The following ATRNL1 variants were observed in gnomAD, a reference collection of about 807,000 sequenced individuals.
ATRNL1 encodes attractin-like protein 1.
ATRNL1 carries 95 observed loss-of-function variants against 182.7 expected under a neutral mutation model. The observed-to-expected ratio is 0.52, with a 90% CI of 0.44 to 0.62. ATRNL1 has a LOEUF of 0.62. Ranked by LOEUF, ATRNL1 falls within the 20% of genes least tolerant of loss-of-function variation. The probability of loss-of-function intolerance (pLI) is 0.00; values close to 1 mark genes in which losing one functional copy is unlikely to be tolerated. For synonymous variants in ATRNL1, 576 were observed against 568.3 expected (o/e 1.01, Z -0.19); for missense variants, 1,471 against 1,679.5 (o/e 0.88, Z 2.17).
chr10:115,415,445 C>G (rs1845342647), intron 20 of ATRNL1, among the ~76,000 whole-genome samples: 1 of 150,982 alleles, frequency 6.6e-6, no homozygotes, highest in Admixed American at 6.6e-5. Flanking sequence ...TTCAGTGAGA[C>G]ATAAGTTGCA....
chr10:115,677,431 T>C (rs1210040968), intron 26 of ATRNL1, among the ~76,000 whole-genome samples: 1 of 152,000 alleles, frequency 6.6e-6, no homozygotes, highest in Non-Finnish European at 1.5e-5. Flanking sequence ...AATCTCAACT[T>C]GAATTGTCTC....
chr10:115,794,405 G>T (rs1387167791), intron 27 of ATRNL1, among the ~76,000 whole-genome samples: 1 of 152,030 alleles, frequency 6.6e-6, no homozygotes, highest in Non-Finnish European at 1.5e-5. Flanking sequence ...ACCTAATCCT[G>T]ACTCCATTCA....
intron 10 of ATRNL1, among the ~76,000 whole-genome samples, chr10:115,254,532 AT>A (rs200987618): frequency 0.3 from 45,615 of 151,578 alleles, 7,820 homozygotes; most frequent in Middle Eastern, 0.43. Flanking sequence ...GATTCTGGAT[AT>A]TAGCCCTTTG....
At chr10:115,209,548 A>G (rs1848940209) in intron 8 of ATRNL1, among the ~76,000 whole-genome samples, 1 of 150,640 alleles carries the variant, frequency 6.6e-6, no homozygotes, top group South Asian at 2.1e-4. Flanking sequence ...TTGCAGTATT[A>G]TCCTGAGTTA....
intron 28 of ATRNL1, among the ~76,000 whole-genome samples, chr10:115,932,092 A>C (rs1206480295): frequency 6.6e-6 from 1 of 152,166 alleles, no homozygotes; most frequent in Non-Finnish European, 1.5e-5. Flanking sequence ...GGCCACTTTG[A>C]TTGCTCCCAA....
chr10:115,916,457 G>A (rs776056421), intron 28 of ATRNL1, among the ~76,000 whole-genome samples: 1 of 152,124 alleles, frequency 6.6e-6, no homozygotes, highest in Non-Finnish European at 1.5e-5. Flanking sequence ...AGGCAAAGAA[G>A]CAAAATGGCT....
chr10:115,462,351 T>C (rs773270622), intron 22 of ATRNL1, among the ~76,000 whole-genome samples: 14 of 152,122 alleles, frequency 9.2e-5, no homozygotes, highest in Middle Eastern at 3.2e-3. Flanking sequence ...CAGTGGCTCA[T>C]GCCTGTAATC....
At chr10:115,722,557 C>T (rs10159619) in intron 26 of ATRNL1, among the ~76,000 whole-genome samples, 55,964 of 151,848 alleles carry the variant, frequency 0.37, 11,064 homozygotes, top group Admixed American at 0.54. Context: ...TTACTGTATG[C>T]TAAGTATGTT....
chr10:115,490,277 G>C (rs554971518), intron 24 of ATRNL1, among the ~76,000 whole-genome samples: 1 of 152,176 alleles, frequency 6.6e-6, no homozygotes, highest in African/African-American at 2.4e-5. Flanking sequence ...GGCCTGCATT[G>C]CTAGGTCGGG....
At chr10:115,305,726 A>C (rs1853695548) in intron 17 of ATRNL1, among the ~76,000 whole-genome samples, 1 of 152,216 alleles carries the variant, frequency 6.6e-6, no homozygotes, top group Non-Finnish European at 1.5e-5. Flanking sequence ...GTTAAAAAAT[A>C]GTCAAAACGG....
At chr10:115,924,847 A>G (rs568151889) in intron 28 of ATRNL1, among the ~76,000 whole-genome samples, 2 of 152,148 alleles carry the variant, frequency 1.3e-5, no homozygotes, top group African/African-American at 4.8e-5. Context: ...CAGTATGGCC[A>G]TTTTCACGAT....
intron 17 of ATRNL1, among the ~76,000 whole-genome samples, chr10:115,310,956 A>G (rs1261162222): frequency 1.3e-5 from 2 of 152,138 alleles, no homozygotes; most frequent in Non-Finnish European, 2.9e-5. Flanking sequence ...ATTTAGTACT[A>G]TAAACTTTTA....
chr10:115,371,470 G>C (rs187004664), intron 19 of ATRNL1, among the ~76,000 whole-genome samples: 2 of 152,230 alleles, frequency 1.3e-5, no homozygotes, highest in African/African-American at 2.4e-5. Flanking sequence ...TTGCATCAGC[G>C]TAACCTGGAT....
chr10:115,815,926 C>T (rs1950154018), intron 27 of ATRNL1, among the ~76,000 whole-genome samples: 1 of 151,996 alleles, frequency 6.6e-6, no homozygotes, highest in African/African-American at 2.4e-5. Context: ...AGTAGGAAAC[C>T]AGGCTGATTT....
At chr10:115,560,961 G>T in intron 26 of ATRNL1, among the ~76,000 whole-genome samples, 1 of 152,174 alleles carries the variant, frequency 6.6e-6, no homozygotes, top group Non-Finnish European at 1.5e-5. Flanking sequence ...AAGCAAAAGA[G>T]TGAAGTTGGA....
chr10:115,648,915 C>A (rs1859807182), intron 26 of ATRNL1, among the ~76,000 whole-genome samples: 2 of 152,104 alleles, frequency 1.3e-5, no homozygotes, highest in African/African-American at 2.4e-5. Context: ...CATTGCAATG[C>A]AGAGTATTTC....
At chr10:115,468,492 T>C (rs1554971352) in intron 23 of ATRNL1, among the ~76,000 whole-genome samples, 2 of 150,830 alleles carry the variant, frequency 1.3e-5, no homozygotes. Context: ...CTAATTATTT[T>C]TACTATTGAT....
At chr10:115,401,589 A>G (rs1284545052) in intron 20 of ATRNL1, among the ~76,000 whole-genome samples, 1 of 152,160 alleles carries the variant, frequency 6.6e-6, no homozygotes, top group Non-Finnish European at 1.5e-5. Flanking sequence ...TAAAATGTGG[A>G]CAGAATTGTG....
At chr10:115,365,826 C>T (rs1176922634) in intron 19 of ATRNL1, among the ~76,000 whole-genome samples, 2 of 152,056 alleles carry the variant, frequency 1.3e-5, no homozygotes, top group African/African-American at 2.4e-5. Context: ...TGTAGTTGAG[C>T]GATTTTGAGT....
Sources: gnomAD v4.1 joint callset for allele counts (sites outside exome capture counted in the v4.1 genomes callset) on GRCh38, gnomAD v4.1.1 for gene constraint, MANE v1.5 for transcripts, NCBI Gene and HGNC (gene_info 2026-07-23, HGNC 2026-07-21) for gene names.